Variants in PARD3B observed in about 807,000 individuals in gnomAD.
PARD3B encodes par-3 family cell polarity regulator beta.
A neutral mutation model predicts 130.2 loss-of-function variants in PARD3B; 103 were observed. The ratio of observed to expected loss-of-function variants is 0.79; its 90% CI spans 0.67 to 0.93. The LOEUF (loss-of-function observed/expected upper bound fraction) is 0.93. Among genes scored for constraint, PARD3B ranks in the 40% least tolerant of loss-of-function variants. The pLI, the probability that PARD3B is intolerant of heterozygous loss-of-function variation, is 0.00. For synonymous variants in PARD3B, 583 were observed against 553.2 expected (o/e 1.05, Z -0.76); for missense variants, 1,609 against 1,499.2 (o/e 1.07, Z -1.21).
intron 2 of PARD3B, among the ~76,000 whole-genome samples, chr2:204,720,365 T>G (rs1481721844): frequency 6.6e-6 from 1 of 152,148 alleles, no homozygotes; most frequent in African/African-American, 2.4e-5. Context: ...CTGTACAAAT[T>G]TAAACAGTAA....
At chr2:204,578,999 G>T (rs1040247194) in intron 1 of PARD3B, among the ~76,000 whole-genome samples, 2 of 151,964 alleles carry the variant, frequency 1.3e-5, no homozygotes, top group African/African-American at 4.8e-5. Context: ...GTCAGGAAGC[G>T]TGTGGTCTTT....
Position 204,884,184 on chromosome 2 carries a change from A to G in PARD3B, c.223-80968A>G, listed in dbSNP as rs202192953. On this transcript the variant is annotated intron_variant, in intron 2 of 22. Transcript: ENST00000406610. ...TAAACCTAGAAAACCATTGTAAATGATATTGTCGCCAGTGAGAGAAGAGCC... is the reference window on the plus strand; with the variant it reads ...TAAACCTAGAAAACCATTGTAAATGGTATTGTCGCCAGTGAGAGAAGAGCC... 8.5e-5 allele frequency among the ~76,000 whole-genome samples: 13 copies of G among 152,342 alleles called. No homozygotes were observed. In the East Asian group the frequency reaches 2.1e-3, roughly 25 times the overall value.
At chr2:204,922,309 G>T (rs977470346) in intron 2 of PARD3B, among the ~76,000 whole-genome samples, 1 of 152,064 alleles carries the variant, frequency 6.6e-6, no homozygotes, top group African/African-American at 2.4e-5. Flanking sequence ...GGGAAAAGTT[G>T]TACCAAAGTG....
intron 3 of PARD3B, among the ~76,000 whole-genome samples, chr2:204,998,792 C>A (rs994370499): frequency 3.9e-5 from 6 of 152,062 alleles, no homozygotes; most frequent in Non-Finnish European, 8.8e-5. Context: ...CGGCTCACTG[C>A]AACTTCTGAC....
At chr2:205,100,962 C>G (rs1430529968) in intron 4 of PARD3B, among the ~76,000 whole-genome samples, 2 of 152,094 alleles carry the variant, frequency 1.3e-5, no homozygotes, top group Non-Finnish European at 2.9e-5. Flanking sequence ...ACCAAAAACA[C>G]AAGCTACAAA....
chr2:204,753,233 T>C (rs957388888), intron 2 of PARD3B, among the ~76,000 whole-genome samples: 3 of 152,184 alleles, frequency 2.0e-5, no homozygotes, highest in African/African-American at 7.2e-5. Flanking sequence ...TTGAAAGATA[T>C]GGCTAGTCAT....
intron 15 of PARD3B, among the ~76,000 whole-genome samples, chr2:205,195,888 A>T (rs1014716743): frequency 1.3e-5 from 2 of 151,724 alleles, no homozygotes; most frequent in East Asian, 3.9e-4. Flanking sequence ...TTCTCACTTT[A>T]TAAAGTCTGT....
In PARD3B at chr2:204,583,842, C is replaced by A. The variant is rs375450975; in HGVS notation, c.120+37723C>A. Among the ~76,000 whole-genome samples, 4 of 152,290 alleles carry A rather than the reference C, an allele frequency of 2.6e-5. No homozygotes were observed. The East Asian group carries it at 7.7e-4, about 29-fold the overall frequency. ...GATCAAACCTCTGTTTGAGAAGCAA[C>A]CATGCAAACTTATCACATCATTTGA... On this transcript the variant is annotated intron_variant, in intron 1 of 22. Transcript: ENST00000406610.
chr2:204,900,971 T>C (rs1007757445), intron 2 of PARD3B, among the ~76,000 whole-genome samples: 2 of 151,998 alleles, frequency 1.3e-5, no homozygotes, highest in Non-Finnish European at 2.9e-5. Context: ...TCCCAAACAA[T>C]TGGAGTCTTT....
intron 22 of PARD3B, among the ~76,000 whole-genome samples, chr2:205,560,107 G>C (rs1340382480): frequency 1.3e-5 from 2 of 152,278 alleles, no homozygotes; most frequent in East Asian, 1.9e-4. Flanking sequence ...TGGCAGAGCT[G>C]GGTTTTTAAC....
chr2:204,569,475 G>A (rs1216963981), intron 1 of PARD3B, among the ~76,000 whole-genome samples: 1 of 152,184 alleles, frequency 6.6e-6, no homozygotes, highest in Non-Finnish European at 1.5e-5. Flanking sequence ...ATAGGTGACA[G>A]ATATCCATGT....
intron 18 of PARD3B, among the ~76,000 whole-genome samples, chr2:205,376,363 A>T (rs1042198365): frequency 1.3e-5 from 2 of 152,112 alleles, no homozygotes; most frequent in African/African-American, 4.8e-5. Flanking sequence ...CCCTTCTAAG[A>T]TTCCATGGGT....
intron 18 of PARD3B, among the ~76,000 whole-genome samples, chr2:205,308,674 C>G (rs2042273252): frequency 6.7e-6 from 1 of 150,014 alleles, no homozygotes; most frequent in Non-Finnish European, 1.5e-5. Flanking sequence ...AACATGTAAA[C>G]TATTTGTAAC....
At chr2:204,994,473 A>G (rs1426533787) in intron 3 of PARD3B, among the ~76,000 whole-genome samples, 4 of 126,956 alleles carry the variant, frequency 3.2e-5, no homozygotes, top group Admixed American at 8.5e-5. Flanking sequence ...GTTCTTTTAC[A>G]TTTGCTGAGG....
chr2:204,748,216 T>C (rs866365018), intron 2 of PARD3B, among the ~76,000 whole-genome samples: 11 of 152,200 alleles, frequency 7.2e-5, no homozygotes, highest in South Asian at 4.1e-4. Context: ...TTCTTAAAGA[T>C]TGGCAGATTA....
In PARD3B at chr2:205,271,133, C is replaced by T. The variant is rs554634462; in HGVS notation, c.2185+25311C>T. The stretch of plus-strand genomic sequence containing the variant: ...TTACCTGAAGTGTACCTTAAATAAT[C>T]ACTTGAGGAGAATTTCTATATATCC... On this transcript the variant is annotated intron_variant, in intron 16 of 22. Transcript: ENST00000406610. 3.9e-5 allele frequency among the ~76,000 whole-genome samples: 6 copies of T among 152,284 alleles called. No individual in the cohort carries two copies. The South Asian group carries it at 1.2e-3, about 32-fold the overall frequency.
chr2:205,593,953 C>G (rs1289483999), intron 22 of PARD3B, among the ~76,000 whole-genome samples: 1 of 152,176 alleles, frequency 6.6e-6, no homozygotes, highest in Non-Finnish European at 1.5e-5. Flanking sequence ...TTCATCCACT[C>G]TTATGAGAAG....
At chr2:205,436,613 T>C (rs949091292) in intron 19 of PARD3B, among the ~76,000 whole-genome samples, 16 of 152,072 alleles carry the variant, frequency 1.1e-4, no homozygotes, top group Admixed American at 2.0e-4. Context: ...TGTGCTAAAA[T>C]ATAGTATTAA....
At position 205,563,504 on chromosome 2, in the gene PARD3B, T is replaced by C. The variant is rs3919545; in HGVS notation, c.3260+10101T>C. Among the ~76,000 whole-genome samples the C allele has an allele frequency of 0.24, 36,943 of 151,980 alleles. 5,408 individuals carry two copies. The highest frequency in any genetic ancestry group is 0.38 in the East Asian group (1,970 of 5,146). On this transcript the variant is annotated intron_variant, in intron 22 of 22. Coordinates refer to ENST00000406610, the MANE Select transcript of PARD3B (RefSeq NM_001302769.2). This position sits in a 1 kb window ranked among gnomAD's most constrained non-coding sequence, Gnocchi z 4.2. ...CTAACATTGGCAAGTCAAGGAGAGG[T>C]TGGAATGCTTACATCATCTGTTTTC... is the stretch of plus-strand genomic sequence containing the variant.
Sources: gnomAD v4.1 joint callset for allele counts (sites outside exome capture counted in the v4.1 genomes callset) on GRCh38, gnomAD v4.1.1 for gene constraint, Gnocchi (gnomAD v3.1) non-coding constraint, MANE v1.5 for transcripts, NCBI Gene and HGNC (gene_info 2026-07-23, HGNC 2026-07-21) for gene names.